LRGUK: variants seen among roughly 807,000 people sequenced by gnomAD.
The protein encoded by LRGUK is leucine rich repeats and guanylate kinase domain containing, also known as leucine-rich repeat and guanylate kinase domain-containing protein.
LRGUK carries 65 observed loss-of-function variants against 76.0 expected under a neutral mutation model. The ratio of observed to expected loss-of-function variants is 0.85; its 90% confidence interval spans 0.70 to 1.05. The LOEUF is 1.05. LRGUK is among the 50% of genes least tolerant of loss of function. The pLI is 0.00. For missense variants in LRGUK, 758 were observed against 732.8 expected (o/e 1.03, Z -0.40); for synonymous variants, 268 against 265.6 (o/e 1.01, Z -0.09).
chr7:134,215,172 T>C (rs895678569), downstream of LRGUK, among the ~76,000 whole-genome samples: 4 of 151,778 alleles, frequency 2.6e-5, no homozygotes, highest in African/African-American at 9.7e-5. Context: ...ATTAGAAGTA[T>C]ACATGTTACA....
downstream of LRGUK, among the ~76,000 whole-genome samples, chr7:134,214,057 A>C (rs117885469): frequency 1.1e-4 from 17 of 152,268 alleles, no homozygotes; most frequent in Non-Finnish European, 1.9e-4. Flanking sequence ...TTGGCATGAA[A>C]GCCTTCCTCA....
chr7:134,177,180 A>G (rs1474793543), intron 9 of LRGUK, 117 bp downstream of exon 9: 3 of 608,718 alleles, frequency 4.9e-6, no homozygotes, highest in Non-Finnish European at 8.7e-6. Flanking sequence ...CAATATGTAC[A>G]TTAATTCATT....
chr7:134,139,545 A>T (rs774481143), intron 3 of LRGUK, 28 bp downstream of exon 3: 1 of 1,432,786 alleles, frequency 7.0e-7, no homozygotes, highest in Admixed American at 1.8e-5. Context: ...TAGATTGATC[A>T]CTGAATTATC....
intron 5 of LRGUK, among the ~76,000 whole-genome samples, chr7:134,150,748 T>C (rs556244497): frequency 2.0e-5 from 3 of 152,284 alleles, no homozygotes; most frequent in Admixed American, 1.3e-4. Flanking sequence ...TTAATTTCTA[T>C]ATACATTTAG....
chr7:134,263,842 C>G lies in LRGUK; in HGVS notation c.2348-3C>G. On this transcript the variant is annotated splice_polypyrimidine_tract_variant and splice_region_variant and intron_variant, in intron 19 of 19. Coordinates refer to the LRGUK transcript ENST00000285928. ...ACTATCTTTTTTTCTGAATGTTTTA[C>G]AGCACTACCTATACAATCATTTTCA... The G allele has an allele frequency of 6.2e-7, 1 of 1,600,608 alleles. No individual in the cohort carries two copies.
At chr7:134,210,743 G>A (rs2117126542), downstream of LRGUK, among the ~76,000 whole-genome samples, 1 of 152,326 alleles carries the variant, frequency 6.6e-6, no homozygotes, top group South Asian at 2.1e-4. Flanking sequence ...GCCTGTCAAA[G>A]ACACACCAGC....
At chr7:134,224,679 C>G (rs1387644344) in intron 16 of LRGUK, among the ~76,000 whole-genome samples, 1 of 152,054 alleles carries the variant, frequency 6.6e-6, no homozygotes, top group Non-Finnish European at 1.5e-5. Context: ...CACATATACC[C>G]CTGAACTTAA....
intron 11 of LRGUK, 152 bp downstream of exon 11, chr7:134,184,005 C>T: frequency 9.8e-7 from 1 of 1,016,566 alleles, no homozygotes; most frequent in Non-Finnish European, 1.4e-6. Flanking sequence ...ATTTAAGTTA[C>T]ACTTTATAGC....
intron 15 of LRGUK, among the ~76,000 whole-genome samples, chr7:134,219,998 G>T (rs2117150325): frequency 6.6e-6 from 1 of 152,062 alleles, no homozygotes; most frequent in Non-Finnish European, 1.5e-5. Context: ...CGTGTTATTT[G>T]TCCGACTCCA....
chr7:134,174,871 C>T (rs796845006), intron 8 of LRGUK, among the ~76,000 whole-genome samples: 10 of 152,062 alleles, frequency 6.6e-5, no homozygotes, highest in Non-Finnish European at 8.8e-5. Flanking sequence ...TGACTGTCAG[C>T]GAAGGAAAGC....
At chr7:134,207,488 C>T (rs1187078694) in intron 15 of LRGUK, among the ~76,000 whole-genome samples, 2 of 152,158 alleles carry the variant, frequency 1.3e-5, no homozygotes, top group South Asian at 2.1e-4. Context: ...ACAGGACACC[C>T]CCTCAGAAAC....
intron 16 of LRGUK, 63 bp downstream of exon 16, chr7:134,221,981 G>T: frequency 7.3e-7 from 1 of 1,375,130 alleles, no homozygotes; most frequent in Non-Finnish European, 9.5e-7. Flanking sequence ...GACAAAGAGG[G>T]GATTTAATAT....
chr7:134,191,574 A>G (rs1391088979), intron 11 of LRGUK, 81 bp from the exon 12 acceptor site: 16 of 952,640 alleles, frequency 1.7e-5, no homozygotes, highest in Non-Finnish European at 2.6e-5. Context: ...TTCATTTTTT[A>G]AAACATAATT....
intron 19 of LRGUK, among the ~76,000 whole-genome samples, 185 bp from the exon 20 acceptor site, chr7:134,263,660 C>G (rs1412209950): frequency 7.1e-6 from 1 of 140,922 alleles, no homozygotes; most frequent in African/African-American, 2.7e-5. Flanking sequence ...AAGTGATCCA[C>G]TCACTTGGCC....
intron 16 of LRGUK, among the ~76,000 whole-genome samples, chr7:134,233,128 G>A (rs185606474): frequency 1.3e-5 from 2 of 152,288 alleles, no homozygotes; most frequent in East Asian, 3.9e-4. Context: ...AAGTGTCTAA[G>A]TTCTTTTGCG....
chr7:134,240,065 A>C (rs968228335), intron 16 of LRGUK, among the ~76,000 whole-genome samples: 1 of 152,234 alleles, frequency 6.6e-6, no homozygotes, highest in African/African-American at 2.4e-5. Context: ...CCATCATCAA[A>C]GACCAAAGGT....
chr7:134,179,143 G>C (rs1428947786), intron 10 of LRGUK, among the ~76,000 whole-genome samples: 2 of 152,266 alleles, frequency 1.3e-5, no homozygotes, highest in East Asian at 1.9e-4. Context: ...AGGAAAACCT[G>C]AAACAGTCTT....
chr7:134,136,044 G>A (rs944767531), intron 1 of LRGUK, among the ~76,000 whole-genome samples: 10 of 152,200 alleles, frequency 6.6e-5, no homozygotes, highest in African/African-American at 1.9e-4. Context: ...AATTCATATA[G>A]AGGACTTAGA....
intron 18 of LRGUK, among the ~76,000 whole-genome samples, chr7:134,256,129 A>G (rs887390891): frequency 6.6e-6 from 1 of 152,028 alleles, no homozygotes; most frequent in Non-Finnish European, 1.5e-5. Context: ...CAGTAGTTGA[A>G]TTATCCTATT....
Sources: allele counts gnomAD v4.1 joint callset (sites outside exome capture counted in the v4.1 genomes callset), GRCh38; gene constraint gnomAD v4.1.1; transcripts MANE v1.5; gene names NCBI Gene and HGNC (gene_info 2026-07-23, HGNC 2026-07-21).